C8orf34: variants seen among roughly 807,000 people sequenced by gnomAD.
C8orf34 encodes uncharacterized protein C8orf34.
C8orf34 carries 65 observed loss-of-function variants against 68.3 expected under a neutral mutation model. The ratio of observed to expected loss-of-function variants is 0.95; its 90% CI spans 0.78 to 1.17. C8orf34 has a LOEUF of 1.17. Among genes scored for constraint, C8orf34 ranks in the 50% most tolerant of loss-of-function variants. The pLI is 0.00. For synonymous variants in C8orf34, 244 were observed against 241.2 expected (o/e 1.01, Z -0.11); for missense variants, 664 against 655.4 (o/e 1.01, Z -0.14).
At chr8:68,628,630 G>T (rs1197446238) in intron 7 of C8orf34, among the ~76,000 whole-genome samples, 1 of 152,060 alleles carries the variant, frequency 6.6e-6, no homozygotes, top group African/African-American at 2.4e-5. Context: ...CAAACCAATT[G>T]CAATTCAGGG....
At chr8:68,786,351 G>A (rs1057377927) in intron 11 of C8orf34, among the ~76,000 whole-genome samples, 2 of 152,044 alleles carry the variant, frequency 1.3e-5, no homozygotes, top group Non-Finnish European at 2.9e-5. Context: ...TACCTAGTAA[G>A]TCCCTATCTT....
At chr8:68,513,345 G>A (rs183296501) in intron 5 of C8orf34, among the ~76,000 whole-genome samples, 113 of 152,282 alleles carry the variant, frequency 7.4e-4, no homozygotes, top group African/African-American at 2.4e-3. Flanking sequence ...TAGTTGCTGG[G>A]TGGGATCCTT....
chr8:68,565,940 A>G (rs1816575014), intron 7 of C8orf34, among the ~76,000 whole-genome samples: 1 of 152,286 alleles, frequency 6.6e-6, no homozygotes, highest in East Asian at 1.9e-4. Context: ...GAAGGAAGAT[A>G]CAAATTATAC....
At chr8:68,543,867 C>CT (rs1815781217) in intron 7 of C8orf34, among the ~76,000 whole-genome samples, 1 of 152,136 alleles carries the variant, frequency 6.6e-6, no homozygotes, top group Admixed American at 6.6e-5. Flanking sequence ...AATATCTGAA[C>CT]TTGACTCTTT....
rs573961366 is a variant in C8orf34, at chr8:68,390,196, G to A, written c.328-49303G>A. Among the ~76,000 whole-genome samples the A allele has an allele frequency of 1.1e-4, 17 of 152,268 alleles. 1 individual carries two copies. The South Asian group carries it at 1.9e-3, about 17-fold the overall frequency. On this transcript the variant is annotated intron_variant, in intron 1 of 13. Transcript: ENST00000518698. Reference sequence around the variant, plus strand: ...ATACACTTAATTGGGGCTGAAGGACGTGAGGGCCCCTGTCCAGCCCACCAT... The same window carrying A: ...ATACACTTAATTGGGGCTGAAGGACATGAGGGCCCCTGTCCAGCCCACCAT...
intron 7 of C8orf34, among the ~76,000 whole-genome samples, chr8:68,599,458 C>G (rs1817635785): frequency 6.6e-6 from 1 of 151,688 alleles, no homozygotes; most frequent in Non-Finnish European, 1.5e-5. Flanking sequence ...TCAAAATTTA[C>G]AAGCTACAGT....
chr8:68,503,846 C>G (rs1295479700), intron 5 of C8orf34, among the ~76,000 whole-genome samples: 1 of 151,994 alleles, frequency 6.6e-6, no homozygotes, highest in Non-Finnish European at 1.5e-5. Context: ...TAGTGTTAGA[C>G]CCAGTTAGAT....
At chr8:68,450,958 C>T (rs1190179554) in intron 3 of C8orf34, among the ~76,000 whole-genome samples, 1 of 152,108 alleles carries the variant, frequency 6.6e-6, no homozygotes, top group African/African-American at 2.4e-5. Context: ...GCATCTTGTT[C>T]CAACATGAGA....
intron 3 of C8orf34, among the ~76,000 whole-genome samples, chr8:68,465,764 A>C (rs1812093575): frequency 1.3e-5 from 2 of 150,948 alleles, no homozygotes; most frequent in Non-Finnish European, 2.9e-5. Context: ...GAACACATGG[A>C]CACAGGAAGG....
At chr8:68,665,268 G>A (rs1475880938) in intron 8 of C8orf34, among the ~76,000 whole-genome samples, 1 of 152,198 alleles carries the variant, frequency 6.6e-6, no homozygotes, top group Non-Finnish European at 1.5e-5. Flanking sequence ...TGTGTATACA[G>A]GCAGTAGGCA....
chr8:68,367,923 A>AAAAAAAAAAAAAAAAAAAAAT, intron 1 of C8orf34, among the ~76,000 whole-genome samples: 1 of 146,278 alleles, frequency 6.8e-6, no homozygotes, highest in African/African-American at 2.6e-5. Context: ...AAAAAAAAAA[A>AAAAAAAAAAAAAAAAAAAAAT]AAAAAAAAAA....
chr8:68,614,269 G>C lies in C8orf34; in HGVS notation c.1106-26107G>C, dbSNP rs1486075532. On this transcript the variant is annotated intron_variant, in intron 7 of 13. Transcript: ENST00000518698. ...GTTCACTCTGATGGTAGTTTCTTTT[G>C]CTGTGCAGAAGCTCTTTAGTTTAAT... 3.3e-5 allele frequency among the ~76,000 whole-genome samples: 5 copies of C among 152,082 alleles called. No individual in the cohort carries two copies. In the East Asian group the frequency reaches 9.7e-4, roughly 30 times the overall value.
intron 10 of C8orf34, among the ~76,000 whole-genome samples, chr8:68,730,518 C>T (rs1821950817): frequency 6.6e-6 from 1 of 151,974 alleles, no homozygotes; most frequent in Non-Finnish European, 1.5e-5. Context: ...AATATTTGCC[C>T]AGACCTATGC....
intron 7 of C8orf34, among the ~76,000 whole-genome samples, chr8:68,603,552 T>C (rs1426002104): frequency 0.01 from 1,562 of 151,036 alleles, 44 homozygotes; most frequent in African/African-American, 0.037. Context: ...TATCTATCTA[T>C]CTATCTATCT....
chr8:68,544,300 A>C (rs1815798898), intron 7 of C8orf34, among the ~76,000 whole-genome samples: 1 of 152,194 alleles, frequency 6.6e-6, no homozygotes, highest in African/African-American at 2.4e-5. Context: ...ACCCAGCAAG[A>C]AAGAATAAAT....
chr8:68,631,467 C>A (rs1428809928), intron 7 of C8orf34, among the ~76,000 whole-genome samples: 1 of 152,014 alleles, frequency 6.6e-6, no homozygotes, highest in Non-Finnish European at 1.5e-5. Context: ...ATAATAATAT[C>A]ATAATTATTA....
intron 1 of C8orf34, among the ~76,000 whole-genome samples, chr8:68,344,915 T>C (rs1309299306): frequency 6.6e-6 from 1 of 152,022 alleles, no homozygotes; most frequent in Non-Finnish European, 1.5e-5. Context: ...TTAAGAGTAA[T>C]CTCTAGAATA....
At chr8:68,670,347 G>A (rs1477082607) in intron 8 of C8orf34, among the ~76,000 whole-genome samples, 1 of 152,262 alleles carries the variant, frequency 6.6e-6, no homozygotes, top group Middle Eastern at 3.4e-3. Context: ...CAAAAGAAAT[G>A]AATTATCTTA....
At chr8:68,684,280 T>C (rs542884191) in intron 8 of C8orf34, among the ~76,000 whole-genome samples, 1 of 151,984 alleles carries the variant, frequency 6.6e-6, no homozygotes, top group South Asian at 2.1e-4. Context: ...AAGCACAGGA[T>C]CCCCAGTTCA....
Sources: allele counts gnomAD v4.1 joint callset (sites outside exome capture counted in the v4.1 genomes callset), GRCh38; gene constraint gnomAD v4.1.1; transcripts MANE v1.5; gene names NCBI Gene and HGNC (gene_info 2026-07-23, HGNC 2026-07-21).